ADNP: variants seen among roughly 807,000 people sequenced by gnomAD.
ADNP encodes the protein activity dependent neuroprotector homeobox.
A neutral mutation model predicts 84.9 loss-of-function variants in ADNP; 4 were observed. The observed-to-expected ratio is 0.05, with a 90% CI of 0.02 to 0.11. The LOEUF (loss-of-function observed/expected upper bound fraction) is 0.11, where lower values mean the gene tolerates loss of function less well. ADNP is among the 10% of genes least tolerant of loss of function. The probability of loss-of-function intolerance (pLI) is 1.00; values close to 1 mark genes in which losing one functional copy is unlikely to be tolerated. For missense variants in ADNP, 1,132 were observed against 1,326.0 expected (o/e 0.85, Z 2.27); for synonymous variants, 554 against 468.1 (o/e 1.18, Z -2.37).
intron 5 of ADNP, among the ~76,000 whole-genome samples, chr20:50,900,287 G>A (rs540624601): frequency 6.6e-6 from 1 of 152,074 alleles, no homozygotes; most frequent in Non-Finnish European, 1.5e-5. Context: ...TGCCATACAA[G>A]TTTGTAGCCT....
rs587777524 is a variant in ADNP at position 50,893,503 on chromosome 20, G to A, written c.1211C>T (p.Ser404Leu). 1.1e-5 allele frequency: 17 copies of A among 1,613,728 alleles called. No individual in the cohort carries two copies. Among genetic ancestry groups the A allele is most frequent in the Non-Finnish European group, 1.3e-5 (15 of 1,180,024 alleles). The change falls in exon 6 of 6, where the codon TCG becomes TTG. Residue 404 changes from serine (S) to leucine (L), a missense_variant. Around this residue, in one of 10 missense-constraint regions of ADNP, gnomAD observed 239 missense variants for 213.2 expected, o/e 1.12. Transcript: ENST00000621696. The surrounding 1 kb of genome is among the most constrained non-coding windows in gnomAD (Gnocchi z 4.4). ...LQSANASSLS[S>L]GQLKSPSLSQ... ...GAGGGAAGGAGACTTTAACTGGCCC[G>A]ATGAGAGAGAAGAGGCATTAGCAGA...
intron 2 of ADNP, among the ~76,000 whole-genome samples, chr20:50,921,172 A>G (rs867221350): frequency 6.6e-6 from 1 of 152,238 alleles, no homozygotes; most frequent in Non-Finnish European, 1.5e-5. Context: ...ATCACTTTCA[A>G]AATTCTGAGT....
chr20:50,906,039 C>T (rs12481426), intron 2 of ADNP, among the ~76,000 whole-genome samples: 1,710 of 152,220 alleles, frequency 0.011, 17 homozygotes, highest in East Asian at 0.036. Flanking sequence ...GGTGAAAACC[C>T]GACTCTACTA....
chr20:50,912,363 T>A (rs1427405902), intron 2 of ADNP, among the ~76,000 whole-genome samples: 1 of 152,150 alleles, frequency 6.6e-6, no homozygotes, highest in Non-Finnish European at 1.5e-5. Context: ...TTGGCCAGGC[T>A]GGTCTCGAAC....
chr20:50,890,262 A>AAGTT lies in ADNP; in HGVS notation c.*1142_*1143insAACT. On this transcript the variant is annotated 3_prime_UTR_variant, in exon 6 of 6. Coordinates refer to ENST00000621696, the MANE Select transcript of ADNP (RefSeq NM_001282531.3). ...AGTTTCCTCTGTGACTGTGGCTGCC[A>AAGTT]TCTCTGATGAAAGAGTTATGGCATT... 5.3e-6 allele frequency: 1 copy of AAGTT among 188,280 alleles called. No homozygotes were observed. Among genetic ancestry groups the AAGTT allele is most frequent in the East Asian group, 1.1e-4 (1 of 8,732 alleles). The allele number at this position is 188,280 out of a possible 1,614,324, so 11.7% of individuals were successfully genotyped here.
chr20:50,899,638 G>T (rs1981762625), intron 5 of ADNP, among the ~76,000 whole-genome samples: 1 of 152,010 alleles, frequency 6.6e-6, no homozygotes, highest in Non-Finnish European at 1.5e-5. Flanking sequence ...GCCATCACAG[G>T]AAATGATGGC....
intron 2 of ADNP, among the ~76,000 whole-genome samples, chr20:50,922,476 A>G (rs1382687522): frequency 6.6e-6 from 1 of 151,594 alleles, no homozygotes; most frequent in Non-Finnish European, 1.5e-5. Context: ...AAGTACAGAT[A>G]AAGAAATGCG....
In ADNP at chr20:50,889,582, G is replaced by A; in HGVS notation, c.*1823C>T. ...GTCAAATCTCTACTCTCTGGTAACA[G>A]CATTAACAAGAGTCTTTCTTTTGGA... On this transcript the variant is annotated 3_prime_UTR_variant, in exon 6 of 6. Transcript: ENST00000621696. 1.3e-5 allele frequency: 4 copies of A among 300,024 alleles called. No individual in the cohort carries two copies. Among genetic ancestry groups the A allele is most frequent in the Non-Finnish European group, 2.4e-5 (4 of 164,254 alleles). The allele number at this position is 300,024 out of a possible 1,614,324, so 18.6% of individuals were successfully genotyped here.
At chr20:50,919,178 G>A (rs1983741072) in intron 2 of ADNP, among the ~76,000 whole-genome samples, 1 of 151,836 alleles carries the variant, frequency 6.6e-6, no homozygotes, top group African/African-American at 2.4e-5. Flanking sequence ...CAGGACAAGG[G>A]TGCCATCTCA....
At chr20:50,917,308 A>C (rs1238127623) in intron 2 of ADNP, among the ~76,000 whole-genome samples, 1 of 152,256 alleles carries the variant, frequency 6.6e-6, no homozygotes, top group Non-Finnish European at 1.5e-5. Flanking sequence ...ATCTGTACGT[A>C]TCTCAAGTCA....
In ADNP at chr20:50,889,255, A is replaced by G. The variant is rs577834132; in HGVS notation, c.*2150T>C. 1.6e-4 allele frequency: 24 copies of G among 152,324 alleles called. No homozygotes were observed. Among genetic ancestry groups the G allele is most frequent in the African/African-American group, 4.6e-4 (19 of 41,584 alleles). 9.4% of individuals were successfully genotyped at this position (152,324 alleles called of 1,614,324 possible). A position where few individuals can be genotyped will look rare whatever the true frequency, so the allele number is the denominator to read the frequency against. On this transcript the variant is annotated 3_prime_UTR_variant, in exon 6 of 6. Transcript: ENST00000621696. The stretch of plus-strand genomic sequence containing the variant: ...GACCCCAAGCCCCGTGGTGTCTTGT[A>G]CAAGTCTCATTAGTCCTCCACGTAC...
Position 50,891,700 on chromosome 20 carries a change from T to C in ADNP, c.3014A>G (p.Asp1005Gly). 6.2e-7 allele frequency: 1 copy of C among 1,614,232 alleles called. No individual in the cohort carries two copies. The highest frequency in any genetic ancestry group is 1.3e-5 in the African/African-American group (1 of 75,058). The part of the protein sequence containing the change: ...TWSDESSQSE[D>G]ARSSKPAAKK... ...GGCAGCTGGCTTACTGCTCCTTGCA[T>C]CTTCGCTTTGGGAAGACTCGTCAGA... The change falls in exon 6 of 6, where the codon GAT (aspartate) becomes GGT (glycine). Residue 1005 changes from aspartate (D) to glycine (G), a missense_variant. Physicochemically the swap from Asp to Gly is moderately conservative, Grantham distance 94. Around this residue, in one of 10 missense-constraint regions of ADNP, gnomAD observed 381 missense variants for 319.9 expected, o/e 1.19. Transcript: ENST00000621696.
rs1156714622 is a variant in ADNP at position 50,894,512 on chromosome 20, C to T, written c.202G>A (p.Asp68Asn). Residue 68 changes from aspartate to asparagine, a missense_variant and splice_region_variant, in exon 6 of 6, where the codon GAC becomes AAC. Transcript: ENST00000621696. ...LWDPSLTKNQDYRTKPFCCSA... is the reference protein window; with the variant it reads ...LWDPSLTKNQNYRTKPFCCSA... ...CAGCAGAAAGGTTTTGTCCGATAGT[C>T]CTAAAGTAAACACAAAAACTAGAAT... 1.3e-6 allele frequency: 2 copies of T among 1,570,122 alleles called. No individual in the cohort carries two copies. The highest frequency in any genetic ancestry group is 1.7e-6 in the Non-Finnish European group (2 of 1,164,978).
At chr20:50,897,329 T>C (rs1981509671) in intron 5 of ADNP, among the ~76,000 whole-genome samples, 1 of 152,242 alleles carries the variant, frequency 6.6e-6, no homozygotes, top group Non-Finnish European at 1.5e-5. Flanking sequence ...TTGCTTTTCC[T>C]GCAGTTTCCT....
chr20:50,922,101 T>C (rs1983992119), intron 2 of ADNP, among the ~76,000 whole-genome samples: 2 of 152,108 alleles, frequency 1.3e-5, no homozygotes, highest in African/African-American at 4.8e-5. Flanking sequence ...CCTTAAGGGG[T>C]GCTTTAGGGG....
In ADNP at chr20:50,892,611, A is replaced by G; in HGVS notation, c.2103T>C (p.Asn701=). The change falls in exon 6 of 6, where the codon AAT becomes AAC. Residue 701 remains asparagine, a synonymous_variant. Coordinates refer to ENST00000621696, the MANE Select transcript of ADNP (RefSeq NM_001282531.3). ...GAGACTGATTAAGCCGAGAGGGTGCATTTGTCTTATCCTGGCCATTTTGGG... is the reference window on the plus strand; with the variant it reads ...GAGACTGATTAAGCCGAGAGGGTGCGTTTGTCTTATCCTGGCCATTTTGGG... ...GKTQNGQDKT[N]APSRLNQSPS... is the part of the protein sequence containing the mutation. 1 of 1,614,180 alleles carries G rather than the reference A, an allele frequency of 6.2e-7. No individual in the cohort carries two copies. Among genetic ancestry groups the G allele is most frequent in the Non-Finnish European group, 8.5e-7 (1 of 1,180,044 alleles).
intron 5 of ADNP, 36 bp downstream of exon 5, chr20:50,901,981 A>G (rs760682295): frequency 6.8e-7 from 1 of 1,475,662 alleles, no homozygotes; most frequent in African/African-American, 1.4e-5. Flanking sequence ...TATACCAAGC[A>G]TGCTGCCATC....
At chr20:50,912,132 G>A (rs1360670814) in intron 2 of ADNP, among the ~76,000 whole-genome samples, 1 of 151,986 alleles carries the variant, frequency 6.6e-6, no homozygotes, top group Non-Finnish European at 1.5e-5. Context: ...CTAAACATAA[G>A]CTGCACTTAG....
rs115258675 is a variant in ADNP, at chr20:50,896,325, T to A, written c.202-1813A>T. On this transcript the variant is annotated intron_variant, in intron 5 of 5. Coordinates refer to ENST00000621696, the MANE Select transcript of ADNP (RefSeq NM_001282531.3). ...TCTATAAGCTTAAAAAAATTTGTTTTAAAAAAAAACTTTCCCAGCACTTTG... is the reference window on the plus strand; with the variant it reads ...TCTATAAGCTTAAAAAAATTTGTTTAAAAAAAAAACTTTCCCAGCACTTTG... Among the ~76,000 whole-genome samples the A allele has an allele frequency of 8.1e-3, 1,224 of 150,332 alleles. 16 individuals carry two copies. The highest frequency in any genetic ancestry group is 0.028 in the African/African-American group (1,144 of 40,946).
Sources: allele counts gnomAD v4.1 joint callset (sites outside exome capture counted in the v4.1 genomes callset), GRCh38; gene constraint gnomAD v4.1.1; regional missense constraint gnomAD v4.1.1; non-coding constraint Gnocchi (gnomAD v3.1); transcripts MANE v1.5; gene names NCBI Gene and HGNC (gene_info 2026-07-23, HGNC 2026-07-21).